KCNIP4: variants seen among roughly 807,000 people sequenced by gnomAD.
The protein encoded by KCNIP4 is potassium voltage-gated channel interacting protein 4, also known as Kv channel-interacting protein 4.
KCNIP4 carries 12 observed loss-of-function variants against 34.0 expected under a neutral mutation model. That is an observed-to-expected ratio of 0.35 (90% confidence interval 0.23 to 0.57). KCNIP4 has a LOEUF of 0.57. Ranked by LOEUF, KCNIP4 falls within the 20% of genes least tolerant of loss-of-function variation. The probability of loss-of-function intolerance (pLI) is 0.83; values close to 1 mark genes in which losing one functional copy is unlikely to be tolerated. For synonymous variants in KCNIP4, 124 were observed against 102.2 expected (o/e 1.21, Z -1.29); for missense variants, 238 against 311.7 (o/e 0.76, Z 1.78).
intron 1 of KCNIP4, among the ~76,000 whole-genome samples, chr4:21,768,948 T>A (rs1718601983): frequency 6.6e-6 from 1 of 152,100 alleles, no homozygotes; most frequent in Non-Finnish European, 1.5e-5. Flanking sequence ...TTTTTCAATT[T>A]TTTTTGTTAT....
At chr4:21,792,018 A>AAAAAAC (rs1720322185) in intron 1 of KCNIP4, among the ~76,000 whole-genome samples, 4 of 150,104 alleles carry the variant, frequency 2.7e-5, no homozygotes, top group African/African-American at 7.4e-5. Flanking sequence ...AAAAAAAAAA[A>AAAAAAC]AAAAAAAAAA....
Position 21,070,663 on chromosome 4 carries a change from A to ATTTTTTTT in KCNIP4, c.62-187962_62-187955dup, listed in dbSNP as rs1203011253. ...TCTGTTTTTACTGTTGAGTTTTGAGATTTTTTTTTTTTTTTTTTTTTTTTT... is the reference window on the plus strand; with the variant it reads ...TCTGTTTTTACTGTTGAGTTTTGAGATTTTTTTTTTTTTTTTTTTTTTTTTTTTTTTTT... On this transcript the variant is annotated intron_variant, in intron 1 of 8. Transcript: ENST00000382152. Among the ~76,000 whole-genome samples the ATTTTTTTT allele has an allele frequency of 1.4e-4, 7 of 49,616 alleles. 1 individual carries two copies. Among genetic ancestry groups the ATTTTTTTT allele is most frequent in the Non-Finnish European group, 2.2e-4 (6 of 26,796 alleles). 32.6% of individuals were successfully genotyped at this position (49,616 alleles called of 152,430 possible).
At chr4:21,824,181 G>A (rs1722538213) in intron 1 of KCNIP4, among the ~76,000 whole-genome samples, 1 of 152,062 alleles carries the variant, frequency 6.6e-6, no homozygotes, top group Non-Finnish European at 1.5e-5. Flanking sequence ...GTTATTCCTG[G>A]ATATAGGCCA....
chr4:21,365,368 C>T (rs1476944746), intron 1 of KCNIP4, among the ~76,000 whole-genome samples: 5 of 151,606 alleles, frequency 3.3e-5, no homozygotes, highest in Admixed American at 1.3e-4. Flanking sequence ...ACCTGTAATC[C>T]CAGCTACTCT....
At chr4:21,357,766 C>T (rs1718790544) in intron 1 of KCNIP4, among the ~76,000 whole-genome samples, 1 of 152,112 alleles carries the variant, frequency 6.6e-6, no homozygotes, top group Non-Finnish European at 1.5e-5. Context: ...TGTGGTGATT[C>T]CTCAAGGATA....
intron 1 of KCNIP4, among the ~76,000 whole-genome samples, chr4:21,111,907 G>A (rs1209316930): frequency 1.3e-5 from 2 of 152,194 alleles, no homozygotes; most frequent in Non-Finnish European, 2.9e-5. Context: ...AGAGGAACAT[G>A]CTAATCCAGT....
At chr4:21,040,188 G>A (rs28648024) in intron 1 of KCNIP4, among the ~76,000 whole-genome samples, 4,221 of 152,158 alleles carry the variant, frequency 0.028, 178 homozygotes, top group African/African-American at 0.095. Flanking sequence ...ATTCGGGTGG[G>A]GAAACAAAGC....
chr4:21,863,453 A>G (rs1725223158), intron 1 of KCNIP4, among the ~76,000 whole-genome samples: 1 of 152,086 alleles, frequency 6.6e-6, no homozygotes, highest in African/African-American at 2.4e-5. Flanking sequence ...TTTGTAGGTA[A>G]GGGGATGGCT....
At chr4:21,490,627 G>C (rs1374201943) in intron 1 of KCNIP4, among the ~76,000 whole-genome samples, 1 of 152,140 alleles carries the variant, frequency 6.6e-6, no homozygotes, top group Non-Finnish European at 1.5e-5. Context: ...AAGTCATTCT[G>C]TAAAACCACA....
rs60906086 is a variant in KCNIP4 at position 21,150,341 on chromosome 4, G to A, written c.62-267632C>T. Among the ~76,000 whole-genome samples, 11 of 151,668 alleles carry A rather than the reference G, an allele frequency of 7.3e-5. No homozygotes were observed. In the East Asian group the frequency reaches 1.4e-3, roughly 19 times the overall value. On this transcript the variant is annotated intron_variant, in intron 1 of 8. Coordinates refer to ENST00000382152, the MANE Select transcript of KCNIP4 (RefSeq NM_025221.6). ...ATACACTGTACCAATGGCTGAGAGG[G>A]AGGCAGGACTGAGGCAGAGAGGCCA... is the stretch of plus-strand genomic sequence containing the variant.
At chr4:21,481,900 C>T (rs1292783113) in intron 1 of KCNIP4, among the ~76,000 whole-genome samples, 1 of 152,166 alleles carries the variant, frequency 6.6e-6, no homozygotes, top group Non-Finnish European at 1.5e-5. Flanking sequence ...AAAAGTCACA[C>T]ATTTATGAAA....
At chr4:21,517,430 T>C (rs534857509) in intron 1 of KCNIP4, among the ~76,000 whole-genome samples, 25 of 152,222 alleles carry the variant, frequency 1.6e-4, no homozygotes, top group African/African-American at 5.5e-4. Context: ...ATAACTAAAA[T>C]TAATCAGAAA....
At chr4:21,760,389 G>C (rs1168938747) in intron 1 of KCNIP4, among the ~76,000 whole-genome samples, 1 of 152,040 alleles carries the variant, frequency 6.6e-6, no homozygotes, top group Non-Finnish European at 1.5e-5. Context: ...AATTCATGCT[G>C]CTAATTATTA....
chr4:21,912,045 T>C (rs570596695), intron 1 of KCNIP4, among the ~76,000 whole-genome samples: 1 of 152,282 alleles, frequency 6.6e-6, no homozygotes, highest in South Asian at 2.1e-4. Context: ...GCAATTGCCT[T>C]GTGCTATAAC....
chr4:21,349,894 G>C (rs1717839578), intron 1 of KCNIP4, among the ~76,000 whole-genome samples: 1 of 152,140 alleles, frequency 6.6e-6, no homozygotes, highest in Non-Finnish European at 1.5e-5. Context: ...CAAAGAGCTA[G>C]AGCAGCAGTT....
intron 1 of KCNIP4, chr4:21,582,011 T>G (rs1270559467): frequency 2.3e-5 from 3 of 129,652 alleles, no homozygotes; most frequent in Non-Finnish European, 4.9e-5. Context: ...CATAGAAGAA[T>G]AGAATAGAAT....
At chr4:20,868,467 A>G (rs941961005) in intron 2 of KCNIP4, among the ~76,000 whole-genome samples, 3 of 152,110 alleles carry the variant, frequency 2.0e-5, no homozygotes, top group Admixed American at 6.6e-5. Context: ...CTACCATTTG[A>G]CCCAGCAATC....
At chr4:21,556,858 C>T (rs1739060243) in intron 1 of KCNIP4, among the ~76,000 whole-genome samples, 1 of 137,056 alleles carries the variant, frequency 7.3e-6, no homozygotes, top group Non-Finnish European at 1.5e-5. Flanking sequence ...GAGATAGAGG[C>T]TGTAGTGAGC....
intron 1 of KCNIP4, among the ~76,000 whole-genome samples, chr4:21,863,260 A>ATGTTT (rs1725201347): frequency 7.1e-6 from 1 of 141,742 alleles, no homozygotes; most frequent in East Asian, 2.1e-4. Context: ...CACGGATTGA[A>ATGTTT]TTTTTTTTTT....
Sources: allele counts gnomAD v4.1 joint callset (sites outside exome capture counted in the v4.1 genomes callset), GRCh38; gene constraint gnomAD v4.1.1; transcripts MANE v1.5; gene names NCBI Gene and HGNC (gene_info 2026-07-23, HGNC 2026-07-21).